Variants in MAP2K5 observed in about 807,000 individuals in gnomAD.
The protein encoded by MAP2K5 is mitogen-activated protein kinase kinase 5.
MAP2K5 carries 49 observed loss-of-function variants against 83.1 expected under a neutral mutation model. That is an observed-to-expected ratio of 0.59 (90% confidence interval 0.47 to 0.75). The LOEUF is 0.75. MAP2K5 is among the 30% of genes least tolerant of loss of function. MAP2K5 has a pLI of 0.00. For missense variants in MAP2K5, 457 were observed against 557.5 expected, an observed-to-expected ratio of 0.82 and a Z score of 1.82; for synonymous variants, 202 against 191.8, an observed-to-expected ratio of 1.05 and a Z score of -0.44.
chr15:67,804,721 G>T (rs766256658), intron 21 of MAP2K5, among the ~76,000 whole-genome samples: 20 of 152,174 alleles, frequency 1.3e-4, no homozygotes, highest in Non-Finnish European at 2.4e-4. Flanking sequence ...CCCCGGGCGT[G>T]GGGGGAGGGG....
Position 67,592,939 on chromosome 15 carries a change from T to C in MAP2K5, c.445T>C (p.Ser149Pro). The C allele has an allele frequency of 6.2e-7, 1 of 1,609,080 alleles. No individual in the cohort carries two copies. Among genetic ancestry groups the C allele is most frequent in the Non-Finnish European group, 8.5e-7 (1 of 1,176,646 alleles). ...SLPSNSLKKS[S>P]AELKKILANG... Reference sequence around the variant, plus strand: ...TTTCCTTTTCAGCTTAAAGAAGTCTTCTGCTGAACTGAAAAAAATACTAGC... The same window carrying C: ...TTTCCTTTTCAGCTTAAAGAAGTCTCCTGCTGAACTGAAAAAAATACTAGC... Residue 149 changes from serine to proline, a missense_variant, in exon 7 of 22, where the codon TCT becomes CCT. Transcript: ENST00000178640.
Position 67,719,770 on chromosome 15 carries a change from G to A in MAP2K5, c.1045-8146G>A, listed in dbSNP as rs1749098608. On this transcript the variant is annotated intron_variant, in intron 16 of 21. Coordinates refer to ENST00000178640, the MANE Select transcript of MAP2K5 (RefSeq NM_145160.3). This position sits in a 1 kb window ranked among gnomAD's most constrained non-coding sequence, Gnocchi z 4.6. ...ATTCCAGATAGGAAAACTGCCCTCA[G>A]TGTTGCATTTTGAGCTATGCAAACA... is the stretch of plus-strand genomic sequence containing the variant. Among the ~76,000 whole-genome samples the A allele has an allele frequency of 6.6e-6, 1 of 152,182 alleles. No individual in the cohort carries two copies. Among genetic ancestry groups the A allele is most frequent in the Non-Finnish European group, 1.5e-5 (1 of 68,034 alleles).
chr15:67,803,538 C>A (rs2090743210), intron 21 of MAP2K5, among the ~76,000 whole-genome samples: 1 of 152,230 alleles, frequency 6.6e-6, no homozygotes, highest in East Asian at 1.9e-4. Context: ...CCCGAGAATA[C>A]TCCAGAATAG....
At chr15:67,602,650 T>G (rs981182865) in intron 8 of MAP2K5, among the ~76,000 whole-genome samples, 16 of 152,252 alleles carry the variant, frequency 1.1e-4, no homozygotes, top group African/African-American at 2.6e-4. Flanking sequence ...AACATAGGCT[T>G]GTTTGTTTGT....
intron 11 of MAP2K5, among the ~76,000 whole-genome samples, chr15:67,655,082 G>A (rs2087036971): frequency 6.7e-6 from 1 of 149,548 alleles, no homozygotes; most frequent in African/African-American, 2.5e-5. Flanking sequence ...AAAAAAAATA[G>A]TATACAAAAA....
At chr15:67,556,087 G>C (rs1216525140) in intron 2 of MAP2K5, among the ~76,000 whole-genome samples, 3 of 152,084 alleles carry the variant, frequency 2.0e-5, no homozygotes, top group Non-Finnish European at 2.9e-5. Context: ...TACCTGGCCA[G>C]CTATTTGTAT....
chr15:67,543,191 C>G lies in MAP2K5; in HGVS notation c.-145C>G. On this transcript the variant is annotated 5_prime_UTR_variant, in exon 1 of 22. Coordinates refer to ENST00000178640, the MANE Select transcript of MAP2K5 (RefSeq NM_145160.3). The surrounding 1 kb of genome is among the most constrained non-coding windows in gnomAD (Gnocchi z 4.3). ...GGGTGCGTTCCTGATCACCCCTCCC[C>G]TCTTCCCTCCCCCTCATCCTCCATT... is the stretch of plus-strand genomic sequence containing the variant. 1 of 817,532 alleles carries G rather than the reference C, an allele frequency of 1.2e-6. No homozygotes were observed. 50.6% of individuals were successfully genotyped at this position (817,532 alleles called of 1,614,324 possible). A position where few individuals can be genotyped will look rare whatever the true frequency, so the allele number is the denominator to read the frequency against.
intron 13 of MAP2K5, among the ~76,000 whole-genome samples, chr15:67,675,803 T>G (rs2087665359): frequency 6.6e-6 from 1 of 152,176 alleles, no homozygotes; most frequent in Admixed American, 6.5e-5. Context: ...CTCCCATGCT[T>G]CTGTGGTAGG....
At chr15:67,691,299 G>A (rs1752752396) in intron 13 of MAP2K5, among the ~76,000 whole-genome samples, 1 of 152,190 alleles carries the variant, frequency 6.6e-6, no homozygotes, top group Non-Finnish European at 1.5e-5. Context: ...GGCTAACTGA[G>A]GCTGATAATA....
At chr15:67,546,469 A>C in intron 1 of MAP2K5, 1 of 360,448 alleles carries the variant, frequency 2.8e-6, no homozygotes, top group Non-Finnish European at 3.9e-6. Flanking sequence ...GGCTCCAGTC[A>C]CTGTGCATCA....
At chr15:67,649,527 C>T (rs1461931776) in intron 11 of MAP2K5, among the ~76,000 whole-genome samples, 1 of 151,922 alleles carries the variant, frequency 6.6e-6, no homozygotes, top group African/African-American at 2.4e-5. Flanking sequence ...AGATAGGGGT[C>T]CAAATTTATT....
chr15:67,557,268 G>C (rs80355944), intron 2 of MAP2K5, among the ~76,000 whole-genome samples: 17 of 152,270 alleles, frequency 1.1e-4, no homozygotes, highest in Non-Finnish European at 2.1e-4. Flanking sequence ...TGTTGGATTG[G>C]TGTTCGTGGA....
At position 67,702,028 on chromosome 15, in the gene MAP2K5, A is replaced by G. The variant is rs1470346775; in HGVS notation, c.973-1309A>G. ...TTTTTACATTTGTAAACTGAGGGCA[A>G]TAATACCTACTTTTGCAAAATCATT... On this transcript the variant is annotated intron_variant, in intron 15 of 21. Transcript: ENST00000178640. This position sits in a 1 kb window ranked among gnomAD's most constrained non-coding sequence, Gnocchi z 4.6. Among the ~76,000 whole-genome samples the G allele has an allele frequency of 6.6e-6, 1 of 152,234 alleles. No homozygotes were observed. Among genetic ancestry groups the G allele is most frequent in the Non-Finnish European group, 1.5e-5 (1 of 68,030 alleles).
chr15:67,743,263 T>C (rs1485620341), intron 17 of MAP2K5, among the ~76,000 whole-genome samples: 1 of 152,230 alleles, frequency 6.6e-6, no homozygotes, highest in Admixed American at 6.5e-5. Flanking sequence ...CGTTGGTTCC[T>C]TCTTATAACC....
At position 67,785,188 on chromosome 15, in the gene MAP2K5, G is replaced by A. The variant is rs762971054; in HGVS notation, c.1242+12436G>A. Among the ~76,000 whole-genome samples, 6 of 152,246 alleles carry A rather than the reference G, an allele frequency of 3.9e-5. No individual in the cohort carries two copies. In the East Asian group the frequency reaches 9.7e-4, roughly 25 times the overall value. The stretch of plus-strand genomic sequence containing the variant: ...TCAAACTCCTGACCTCAAGTGATCC[G>A]CCTGCCTGGGCCTCTCAGAGTGCTG... On this transcript the variant is annotated intron_variant, in intron 21 of 21. Coordinates refer to ENST00000178640, the MANE Select transcript of MAP2K5 (RefSeq NM_145160.3). This position sits in a 1 kb window ranked among gnomAD's most constrained non-coding sequence, Gnocchi z 4.4.
chr15:67,614,956 A>T (rs1381874523), intron 8 of MAP2K5, among the ~76,000 whole-genome samples: 1 of 152,142 alleles, frequency 6.6e-6, no homozygotes, highest in Non-Finnish European at 1.5e-5. Context: ...CTCATAACAT[A>T]TTTGACTTGA....
At chr15:67,544,899 C>G (rs1182427913) in intron 1 of MAP2K5, among the ~76,000 whole-genome samples, 1 of 152,190 alleles carries the variant, frequency 6.6e-6, no homozygotes, top group East Asian at 1.9e-4. Flanking sequence ...AAATGCCATC[C>G]TTCTCTTTGT....
In MAP2K5 at chr15:67,781,418, C is replaced by T. The variant is rs186610550; in HGVS notation, c.1242+8666C>T. 5.9e-5 allele frequency among the ~76,000 whole-genome samples: 9 copies of T among 152,182 alleles called. No individual in the cohort carries two copies. The highest frequency in any genetic ancestry group is 4.6e-4 in the Admixed American group (7 of 15,278). On this transcript the variant is annotated intron_variant, in intron 21 of 21. Transcript: ENST00000178640. This position sits in a 1 kb window ranked among gnomAD's most constrained non-coding sequence, Gnocchi z 4.0. ...ATTGTGAGTCTTGTGGTTTCGGATA[C>T]AGAGTTATTTGGGGGGCCAAATCTG...
At chr15:67,639,204 G>C (rs2086662332) in intron 9 of MAP2K5, among the ~76,000 whole-genome samples, 1 of 152,182 alleles carries the variant, frequency 6.6e-6, no homozygotes, top group African/African-American at 2.4e-5. Context: ...CAGAATGGGA[G>C]AAAAATTTTG....
Sources: gnomAD v4.1 joint callset for allele counts (sites outside exome capture counted in the v4.1 genomes callset) on GRCh38, gnomAD v4.1.1 for gene constraint, Gnocchi (gnomAD v3.1) non-coding constraint, MANE v1.5 for transcripts, NCBI Gene and HGNC (gene_info 2026-07-23, HGNC 2026-07-21) for gene names.